Variants in NAV1 observed in about 807,000 individuals in gnomAD.
The protein encoded by NAV1 is pore membrane and/or filament interacting like protein 3.
A neutral mutation model predicts 175.2 loss-of-function variants in NAV1; 18 were observed. The ratio of observed to expected loss-of-function variants is 0.10; its 90% confidence interval spans 0.07 to 0.15. The LOEUF is 0.15. Among genes scored for constraint, NAV1 ranks in the 10% least tolerant of loss-of-function variants. The pLI is 1.00. For synonymous variants in NAV1, 897 were observed against 978.7 expected (o/e 0.92, Z 1.56); for missense variants, 1,731 against 2,436.6 (o/e 0.71, Z 6.10).
rs763207892 is a variant in NAV1 at position 201,782,347 on chromosome 1, C to T, written c.1835C>T (p.Pro612Leu). Reference sequence around the variant, plus strand: ...TCCTTTGGCTACAAGAAGCCTCCTCCTGCCACAGGCACAGCCACTGTCATG... The same window carrying T: ...TCCTTTGGCTACAAGAAGCCTCCTCTTGCCACAGGCACAGCCACTGTCATG... The change falls in exon 6 of 30, where the codon CCT (proline) becomes CTT (leucine). Residue 612 changes from proline (P) to leucine (L), a missense_variant. Physicochemically the swap from Pro to Leu is moderately conservative, Grantham distance 98 (BLOSUM62 -3). Transcript: ENST00000367296. The surrounding 1 kb of genome is among the most constrained non-coding windows in gnomAD (Gnocchi z 5.4). 3.1e-6 allele frequency: 5 copies of T among 1,614,214 alleles called. No individual in the cohort carries two copies. Among genetic ancestry groups the T allele is most frequent in the Non-Finnish European group, 3.4e-6 (4 of 1,180,034 alleles).
chr1:201,600,033 C>T (rs751847934), intron 2 of NAV1, among the ~76,000 whole-genome samples: 7 of 152,194 alleles, frequency 4.6e-5, no homozygotes, highest in Non-Finnish European at 8.8e-5. Context: ...GTTATCTGCC[C>T]TAGAGAGGAA....
chr1:201,816,431 G>T (rs1042604957), intron 28 of NAV1, among the ~76,000 whole-genome samples: 6 of 151,736 alleles, frequency 4.0e-5, no homozygotes, highest in African/African-American at 1.5e-4. Flanking sequence ...GCCATCCCAC[G>T]GCAAATACAT....
intron 2 of NAV1, among the ~76,000 whole-genome samples, 186 bp downstream of exon 6, chr1:201,713,105 C>T (rs779803627): frequency 3.3e-5 from 5 of 152,224 alleles, no homozygotes; most frequent in Non-Finnish European, 7.3e-5. Context: ...GCTTTGTCTT[C>T]TGTCTGCTTG....
chr1:201,622,317 C>G (rs778029590), upstream of NAV1, among the ~76,000 whole-genome samples: 11 of 152,136 alleles, frequency 7.2e-5, no homozygotes, highest in African/African-American at 1.2e-4. Flanking sequence ...TGTGATTGGC[C>G]CTCCCACCCT....
chr1:201,784,725 C>A (rs1388868811), intron 7 of NAV1, among the ~76,000 whole-genome samples: 1 of 151,740 alleles, frequency 6.6e-6, no homozygotes, highest in African/African-American at 2.4e-5. Flanking sequence ...TTTTAAATAA[C>A]TAACTATGCC....
At position 201,810,161 on chromosome 1, in the gene NAV1, A is replaced by G. The variant is rs1678600064; in HGVS notation, c.4561+56A>G. 2.5e-6 allele frequency: 4 copies of G among 1,589,140 alleles called. No homozygotes were observed. In the East Asian group the frequency reaches 6.7e-5, roughly 27 times the overall value. ...GTGGCATGAAGGCAGGGACAGGATC[A>G]TCAAATAATCCATCATGCATTCATT... On this transcript the variant is annotated intron_variant, in intron 23 of 29. Coordinates refer to ENST00000367296, the Ensembl canonical transcript of NAV1. This position sits in a 1 kb window ranked among gnomAD's most constrained non-coding sequence, Gnocchi z 6.0.
chr1:201,585,984 T>C (rs1029925560), intron 1 of NAV1, among the ~76,000 whole-genome samples: 1 of 152,098 alleles, frequency 6.6e-6, no homozygotes, highest in Non-Finnish European at 1.5e-5. Context: ...CCAAAAGAAT[T>C]TGCAAGCAGA....
Position 201,749,866 on chromosome 1 carries a change from T to G in NAV1, c.1227-30555T>G, listed in dbSNP as rs1673997120. Among the ~76,000 whole-genome samples, 4 of 152,036 alleles carry G rather than the reference T, an allele frequency of 2.6e-5. No individual in the cohort carries two copies. The South Asian group carries it at 8.3e-4, about 32-fold the overall frequency. ...CTGCATTGAGCCATGTTCACGCCAC[T>G]GCACTCCAGCTGAGCAACAGAGCAA... On this transcript the variant is annotated intron_variant, in intron 3 of 29. Transcript: ENST00000367296.
In NAV1 at chr1:201,807,038, GTGTGTGTGTGTA is replaced by G. The variant is rs1678334146; in HGVS notation, c.3649-903_3649-892del. 6.6e-6 allele frequency among the ~76,000 whole-genome samples: 1 copy of G among 151,874 alleles called. No individual in the cohort carries two copies. ...TGCCATTTCATATCTGTGTCCCTGT[GTGTGTGTGTGTA>G]TGTGTGTGTGTGGTGTGTGGTGTGT... On this transcript the variant is annotated intron_variant, in intron 17 of 29. Coordinates refer to ENST00000367296, the Ensembl canonical transcript of NAV1. The surrounding 1 kb of genome is among the most constrained non-coding windows in gnomAD (Gnocchi z 5.4).
intron 3 of NAV1, among the ~76,000 whole-genome samples, chr1:201,775,658 A>C (rs1675894657): frequency 6.6e-6 from 1 of 152,240 alleles, no homozygotes; most frequent in Admixed American, 6.5e-5. Flanking sequence ...GCCCCTCCAA[A>C]TGAATGAGTG....
intron 1 of NAV1, among the ~76,000 whole-genome samples, chr1:201,553,594 C>T (rs577697889): frequency 4.2e-4 from 64 of 152,316 alleles, no homozygotes; most frequent in Middle Eastern, 6.8e-3. Flanking sequence ...AATGAATACG[C>T]CCATGTGACC....
At position 201,702,580 on chromosome 1, in the gene NAV1, G is replaced by T. The variant is rs186344234; in HGVS notation, c.758-10237G>T. ...AGATGGGGTTTCATCATGTTGGTCA[G>T]GCTGGTCTTGAATTCCTGACCTCAA... On this transcript the variant is annotated intron_variant, in intron 1 of 29. Transcript: ENST00000367296. 2.8e-3 allele frequency among the ~76,000 whole-genome samples: 420 copies of T among 152,172 alleles called. 4 individuals carry two copies. Among genetic ancestry groups the T allele is most frequent in the African/African-American group, 7.1e-3 (293 of 41,502 alleles).
At chr1:201,661,333 T>G (rs724220) in intron 1 of NAV1, among the ~76,000 whole-genome samples, 43,213 of 152,044 alleles carry the variant, frequency 0.28, 6,945 homozygotes, top group Admixed American at 0.43. Context: ...CTCCCAAGCC[T>G]CTCACTGTCT....
exon 1 of NAV1, chr1:201,649,215 A>G: frequency 2.5e-6 from 4 of 1,612,998 alleles, no homozygotes; most frequent in Non-Finnish European, 3.4e-6. Flanking sequence ...TGCGGAGGTC[A>G]AGCCGCTCAG....
chr1:201,763,061 A>T (rs190148245), intron 3 of NAV1, among the ~76,000 whole-genome samples: 1 of 152,356 alleles, frequency 6.6e-6, no homozygotes, highest in Admixed American at 6.5e-5. Flanking sequence ...TCCAATAAAA[A>T]TATGGAAACT....
intron 3 of NAV1, among the ~76,000 whole-genome samples, chr1:201,729,595 C>T (rs1016661504): frequency 3.3e-5 from 5 of 150,928 alleles, no homozygotes; most frequent in East Asian, 2.0e-4. Flanking sequence ...GAGCAGAGAT[C>T]GGACTCCATC....
intron 1 of NAV1, among the ~76,000 whole-genome samples, chr1:201,683,460 A>T (rs1208814928): frequency 6.6e-6 from 1 of 152,082 alleles, no homozygotes; most frequent in Non-Finnish European, 1.5e-5. Flanking sequence ...AGATTCTCAT[A>T]AGGAGTGTGC....
intron 3 of NAV1, among the ~76,000 whole-genome samples, chr1:201,726,001 G>A (rs932969458): frequency 1.1e-4 from 17 of 152,188 alleles, no homozygotes; most frequent in African/African-American, 4.1e-4. Flanking sequence ...GAAAGGTAGG[G>A]TACTTATTGG....
At chr1:201,765,148 T>C (rs932459787) in intron 3 of NAV1, among the ~76,000 whole-genome samples, 1 of 152,210 alleles carries the variant, frequency 6.6e-6, no homozygotes, top group Non-Finnish European at 1.5e-5. Flanking sequence ...CCTTTCTCTA[T>C]GGGCACATTA....
Sources: allele counts gnomAD v4.1 joint callset (sites outside exome capture counted in the v4.1 genomes callset), GRCh38; gene constraint gnomAD v4.1.1; non-coding constraint Gnocchi (gnomAD v3.1); transcripts MANE v1.5; gene names NCBI Gene and HGNC (gene_info 2026-07-23, HGNC 2026-07-21).